LINGO2: variants seen among roughly 807,000 people sequenced by gnomAD.
LINGO2 encodes the protein leucine-rich repeat and immunoglobulin-like domain-containing nogo receptor-interacting protein 2.
LINGO2 carries 14 observed loss-of-function variants against 30.6 expected under a neutral mutation model. The observed-to-expected ratio is 0.46, with a 90% CI of 0.30 to 0.72. The LOEUF (loss-of-function observed/expected upper bound fraction) is 0.72. Ranked by LOEUF, LINGO2 falls within the 30% of genes least tolerant of loss-of-function variation. The pLI is 0.07. For missense variants in LINGO2, 729 were observed against 751.7 expected (o/e 0.97, Z 0.35); for synonymous variants, 317 against 288.5 (o/e 1.10, Z -1.00).
At chr9:29,021,964 G>A in the LINGO2 span, among the ~76,000 whole-genome samples, 3 of 152,002 alleles carry the variant, frequency 2.0e-5, no homozygotes, top group African/African-American at 7.2e-5. Flanking sequence ...AAAAATTGAG[G>A]TTAAAATAAC....
At chr9:28,845,389 A>T in the LINGO2 span, among the ~76,000 whole-genome samples, 2 of 151,960 alleles carry the variant, frequency 1.3e-5, no homozygotes, top group African/African-American at 2.4e-5. Context: ...AGCAGGAATA[A>T]AATAAGAATT....
intron 4 of LINGO2, among the ~76,000 whole-genome samples, chr9:28,182,278 T>C (rs1368144380): frequency 6.6e-6 from 1 of 152,164 alleles, no homozygotes. Flanking sequence ...AAACTGAAAC[T>C]GAACTCCTTC....
the LINGO2 span, among the ~76,000 whole-genome samples, chr9:28,913,487 A>G: frequency 1.3e-5 from 2 of 152,106 alleles, no homozygotes; most frequent in African/African-American, 4.8e-5. Flanking sequence ...TACGTTATAC[A>G]ATATTATATA....
At chr9:29,211,696 C>T in the LINGO2 span, among the ~76,000 whole-genome samples, 4 of 152,092 alleles carry the variant, frequency 2.6e-5, no homozygotes, top group African/African-American at 9.7e-5. Context: ...ACTTCACCAG[C>T]AGGTGAAGAG....
chr9:28,346,303 T>C (rs116267071), intron 3 of LINGO2, among the ~76,000 whole-genome samples: 2,045 of 152,278 alleles, frequency 0.013, 35 homozygotes, highest in African/African-American at 0.047. Flanking sequence ...AAATGTGGTA[T>C]TCATTCCCGC....
chr9:28,533,125 G>C (rs1012071955), intron 1 of LINGO2, among the ~76,000 whole-genome samples: 30 of 152,006 alleles, frequency 2.0e-4, no homozygotes, highest in Non-Finnish European at 2.8e-4. Flanking sequence ...GCTAGAATAA[G>C]GCAAGCAGAA....
the LINGO2 span, chr9:27,938,139 T>A: frequency 1.2e-5 from 1 of 82,150 alleles, no homozygotes; most frequent in South Asian, 4.8e-4. Context: ...TTTGTTAAAA[T>A]TAATTTAATA....
chr9:29,027,573 A>G, the LINGO2 span, among the ~76,000 whole-genome samples: 1 of 152,096 alleles, frequency 6.6e-6, no homozygotes, highest in African/African-American at 2.4e-5. Context: ...ACTGACCCCA[A>G]GTGATCAGCT....
At chr9:28,247,391 C>T (rs1031194673) in intron 4 of LINGO2, among the ~76,000 whole-genome samples, 4 of 152,130 alleles carry the variant, frequency 2.6e-5, no homozygotes, top group Non-Finnish European at 4.4e-5. Context: ...AAATGTGGTA[C>T]ATATAAACCA....
At position 28,388,357 on chromosome 9, in the gene LINGO2, A is replaced by G. The variant is rs10968550; in HGVS notation, c.-278-15489T>C. On this transcript the variant is annotated intron_variant, in intron 2 of 5. Coordinates refer to ENST00000379992, the Ensembl canonical transcript of LINGO2. ...TTTTTCCACTATTTTGCTATTGTAA[A>G]CATTGCTGCTGTTAACGTTCACCCC... Among the ~76,000 whole-genome samples, 13 of 152,194 alleles carry G rather than the reference A, an allele frequency of 8.5e-5. No homozygotes were observed. In the East Asian group the frequency reaches 2.3e-3, roughly 27 times the overall value.
the LINGO2 span, among the ~76,000 whole-genome samples, chr9:28,721,455 T>A: frequency 1.3e-5 from 2 of 152,162 alleles, no homozygotes; most frequent in South Asian, 4.1e-4. Context: ...GTGGCACATA[T>A]ACACCATGGA....
At chr9:28,746,544 A>G in the LINGO2 span, among the ~76,000 whole-genome samples, 1 of 152,058 alleles carries the variant, frequency 6.6e-6, no homozygotes. Flanking sequence ...GCTTTGGAGA[A>G]AGACAATCTC....
chr9:28,540,156 T>C (rs1055690578), intron 1 of LINGO2, among the ~76,000 whole-genome samples: 1 of 152,146 alleles, frequency 6.6e-6, no homozygotes, highest in Non-Finnish European at 1.5e-5. Context: ...TATTTCTTTT[T>C]CTATAACCAT....
At chr9:28,110,427 C>A (rs956347520) in intron 4 of LINGO2, among the ~76,000 whole-genome samples, 1 of 152,128 alleles carries the variant, frequency 6.6e-6, no homozygotes, top group Non-Finnish European at 1.5e-5. Flanking sequence ...TTCTGCACAG[C>A]AAAAGAAAAG....
chr9:29,134,234 A>C, the LINGO2 span, among the ~76,000 whole-genome samples: 1 of 152,170 alleles, frequency 6.6e-6, no homozygotes, highest in South Asian at 2.1e-4. Flanking sequence ...ATATCAATTT[A>C]TCAGTAATAA....
the LINGO2 span, among the ~76,000 whole-genome samples, chr9:29,069,968 T>C: frequency 6.6e-6 from 1 of 152,070 alleles, no homozygotes; most frequent in Non-Finnish European, 1.5e-5. Flanking sequence ...TATTGCTAAA[T>C]AGATGAGATT....
intron 4 of LINGO2, among the ~76,000 whole-genome samples, chr9:28,282,257 G>C (rs1441511764): frequency 3.3e-5 from 5 of 152,074 alleles, no homozygotes; most frequent in African/African-American, 1.2e-4. Context: ...GCTCACAAGG[G>C]TGTCCCAATG....
the LINGO2 span, among the ~76,000 whole-genome samples, chr9:28,825,427 T>C: frequency 6.6e-6 from 1 of 151,652 alleles, no homozygotes; most frequent in Non-Finnish European, 1.5e-5. Context: ...TGCAGAGAGG[T>C]AAACAGGAAA....
chr9:28,664,727 C>T (rs903806036), intron 1 of LINGO2, among the ~76,000 whole-genome samples: 1 of 151,872 alleles, frequency 6.6e-6, no homozygotes, highest in Non-Finnish European at 1.5e-5. Flanking sequence ...TCCCAGAATG[C>T]TCTTTCTGCA....
Sources: gnomAD v4.1 joint callset for allele counts (sites outside exome capture counted in the v4.1 genomes callset) on GRCh38, gnomAD v4.1.1 for gene constraint, MANE v1.5 for transcripts, NCBI Gene and HGNC (gene_info 2026-07-23, HGNC 2026-07-21) for gene names.